Variants in ST6GALNAC5 observed in about 807,000 individuals in gnomAD.
ST6GALNAC5 encodes the protein alpha-N-acetylgalactosaminide alpha-2,6-sialyltransferase 5.
Under a neutral mutation model 33.6 loss-of-function variants are expected in ST6GALNAC5, and 27 were observed. The ratio of observed to expected loss-of-function variants is 0.80; its 90% CI spans 0.59 to 1.11. ST6GALNAC5 has a LOEUF of 1.11. Ranked by LOEUF, ST6GALNAC5 falls within the 50% of genes least tolerant of loss-of-function variation. The probability of loss-of-function intolerance (pLI) is 0.00; values close to 1 mark genes in which losing one functional copy is unlikely to be tolerated. For missense variants in ST6GALNAC5, 428 were observed against 454.0 expected (o/e 0.94, Z 0.52); for synonymous variants, 194 against 171.2 (o/e 1.13, Z -1.04).
intron 3 of ST6GALNAC5, among the ~76,000 whole-genome samples, chr1:77,046,782 C>CT (rs1406792461): frequency 6.6e-6 from 1 of 152,128 alleles, no homozygotes; most frequent in Admixed American, 6.5e-5. Context: ...ACACTTTTCT[C>CT]TTTTTTAGTT....
At chr1:76,901,647 G>A (rs893537700) in intron 2 of ST6GALNAC5, among the ~76,000 whole-genome samples, 1 of 152,176 alleles carries the variant, frequency 6.6e-6, no homozygotes, top group Admixed American at 6.5e-5. Context: ...TGCTAGCTAT[G>A]AGTGAATTTT....
At chr1:76,896,906 G>T (rs578055728) in intron 2 of ST6GALNAC5, among the ~76,000 whole-genome samples, 1 of 152,178 alleles carries the variant, frequency 6.6e-6, no homozygotes, top group African/African-American at 2.4e-5. Flanking sequence ...AAGTTGTTTG[G>T]ACAGAAAGGC....
intron 2 of ST6GALNAC5, among the ~76,000 whole-genome samples, chr1:76,905,109 A>T (rs987380545): frequency 6.6e-6 from 1 of 152,138 alleles, no homozygotes; most frequent in South Asian, 2.1e-4. Context: ...TTAGATTGTG[A>T]CAAAAGCGAA....
At chr1:77,024,204 T>G (rs1351433295) in intron 2 of ST6GALNAC5, among the ~76,000 whole-genome samples, 1 of 152,198 alleles carries the variant, frequency 6.6e-6, no homozygotes, top group Non-Finnish European at 1.5e-5. Context: ...TACTTTTCTT[T>G]CATAGCATTG....
At chr1:77,017,366 C>T (rs1211431592) in intron 2 of ST6GALNAC5, among the ~76,000 whole-genome samples, 1 of 152,018 alleles carries the variant, frequency 6.6e-6, no homozygotes, top group Non-Finnish European at 1.5e-5. Flanking sequence ...GGTAGCTCTC[C>T]AACTGGTATG....
At chr1:76,906,179 A>T (rs527338524) in intron 2 of ST6GALNAC5, among the ~76,000 whole-genome samples, 6 of 152,310 alleles carry the variant, frequency 3.9e-5, no homozygotes, top group Admixed American at 1.3e-4. Flanking sequence ...AAAGCCTGCC[A>T]ACACTTCTTT....
At chr1:76,931,752 C>A (rs996717553) in intron 2 of ST6GALNAC5, among the ~76,000 whole-genome samples, 1 of 151,998 alleles carries the variant, frequency 6.6e-6, no homozygotes, top group Non-Finnish European at 1.5e-5. Flanking sequence ...ACAATTTTTT[C>A]AAGTTATTAG....
chr1:76,918,449 C>G (rs1292057205), intron 2 of ST6GALNAC5, among the ~76,000 whole-genome samples: 2 of 151,962 alleles, frequency 1.3e-5, no homozygotes, highest in South Asian at 2.1e-4. Context: ...AAAACCCCGT[C>G]TCTAATAAAA....
chr1:77,060,995 T>C (rs1488012818), intron 4 of ST6GALNAC5, among the ~76,000 whole-genome samples: 1 of 152,220 alleles, frequency 6.6e-6, no homozygotes, highest in Non-Finnish European at 1.5e-5. Context: ...CACAAATTCT[T>C]ATTTTTTTCT....
At chr1:77,041,154 G>A (rs1038832398) in intron 2 of ST6GALNAC5, among the ~76,000 whole-genome samples, 3 of 152,158 alleles carry the variant, frequency 2.0e-5, no homozygotes, top group African/African-American at 7.2e-5. Context: ...TTGACTACTT[G>A]CTCCTTTTTA....
chr1:77,046,058 A>G (rs913509710), intron 3 of ST6GALNAC5, among the ~76,000 whole-genome samples: 1 of 152,214 alleles, frequency 6.6e-6, no homozygotes, highest in Non-Finnish European at 1.5e-5. Flanking sequence ...CTGTACTTTC[A>G]TACGTTTGTG....
At chr1:76,910,401 C>T (rs1229980879) in intron 2 of ST6GALNAC5, among the ~76,000 whole-genome samples, 2 of 151,690 alleles carry the variant, frequency 1.3e-5, no homozygotes, top group African/African-American at 2.4e-5. Flanking sequence ...AAAATAAAAG[C>T]GAAGTAAATA....
rs180907443 is a variant in ST6GALNAC5 at position 76,960,485 on chromosome 1, G to A, written c.262-83719G>A. 9.9e-4 allele frequency among the ~76,000 whole-genome samples: 150 copies of A among 152,270 alleles called. 1 individual carries two copies. The highest frequency in any genetic ancestry group is 3.5e-3 in the African/African-American group (147 of 41,550). ...GAAGTTTTGGGCACGCATTGTCATT[G>A]ATAACATCTTATCAGGAGCCAGGGT... On this transcript the variant is annotated intron_variant, in intron 2 of 4. Coordinates refer to ENST00000477717, the MANE Select transcript of ST6GALNAC5 (RefSeq NM_030965.3).
At chr1:76,924,580 G>A (rs555735420) in intron 2 of ST6GALNAC5, among the ~76,000 whole-genome samples, 9 of 152,094 alleles carry the variant, frequency 5.9e-5, no homozygotes, top group South Asian at 2.1e-4. Flanking sequence ...TGACAACTTC[G>A]CTGAAGAATT....
At chr1:76,901,370 T>C (rs1321854085) in intron 2 of ST6GALNAC5, among the ~76,000 whole-genome samples, 2 of 152,198 alleles carry the variant, frequency 1.3e-5, no homozygotes, top group African/African-American at 4.8e-5. Flanking sequence ...AGCACTGAGA[T>C]TGTCTCCAGC....
intron 2 of ST6GALNAC5, among the ~76,000 whole-genome samples, chr1:76,928,509 A>G (rs1273202508): frequency 6.6e-6 from 1 of 152,100 alleles, no homozygotes; most frequent in Non-Finnish European, 1.5e-5. Context: ...CCATTGCCTT[A>G]CTTAGGTTTC....
intron 2 of ST6GALNAC5, among the ~76,000 whole-genome samples, chr1:76,981,526 C>T (rs997688281): frequency 1.1e-4 from 16 of 152,194 alleles, no homozygotes; most frequent in Non-Finnish European, 2.1e-4. Flanking sequence ...TTGACAAGAC[C>T]TACTGCCTCT....
At chr1:76,998,310 C>T (rs992408927) in intron 2 of ST6GALNAC5, among the ~76,000 whole-genome samples, 3 of 151,996 alleles carry the variant, frequency 2.0e-5, no homozygotes, top group African/African-American at 4.8e-5. Context: ...GCAGGAGGAT[C>T]GCTTGAGCCC....
chr1:77,004,909 G>A (rs1650333161), intron 2 of ST6GALNAC5, among the ~76,000 whole-genome samples: 1 of 143,160 alleles, frequency 7.0e-6, no homozygotes, highest in Non-Finnish European at 1.6e-5. Context: ...GTCAGACAGG[G>A]ACATTTAAGT....
Sources: allele counts gnomAD v4.1 joint callset (sites outside exome capture counted in the v4.1 genomes callset), GRCh38; gene constraint gnomAD v4.1.1; transcripts MANE v1.5; gene names NCBI Gene and HGNC (gene_info 2026-07-23, HGNC 2026-07-21).